Variants in BNC2 observed in about 807,000 individuals in gnomAD.
BNC2 encodes basonuclin zinc finger protein 2, also known as zinc finger protein basonuclin-2.
A neutral mutation model predicts 76.3 loss-of-function variants in BNC2; 20 were observed. That is an observed-to-expected ratio of 0.26 (90% CI 0.18 to 0.38). The LOEUF (loss-of-function observed/expected upper bound fraction) is 0.38, where lower values mean the gene tolerates loss of function less well. Ranked by LOEUF, BNC2 falls within the 10% of genes least tolerant of loss-of-function variation. BNC2 has a pLI of 1.00. For missense variants in BNC2, 1,382 were observed against 1,399.8 expected, an observed-to-expected ratio of 0.99 and a Z score of 0.20; for synonymous variants, 582 against 514.8, an observed-to-expected ratio of 1.13 and a Z score of -1.77.
intron 4 of BNC2, among the ~76,000 whole-genome samples, chr9:16,577,568 A>C (rs1263045329): frequency 1.3e-5 from 2 of 152,178 alleles, no homozygotes; most frequent in Non-Finnish European, 2.9e-5. Context: ...GATCTGGATG[A>C]TGTAGACCAG....
chr9:16,746,763 C>T (rs2135227959), intron 1 of BNC2, among the ~76,000 whole-genome samples: 1 of 151,602 alleles, frequency 6.6e-6, no homozygotes, highest in African/African-American at 2.4e-5. Flanking sequence ...GAGATCGAGA[C>T]CATCCTGGAT....
chr9:16,617,797 A>C (rs1040335628), intron 3 of BNC2, among the ~76,000 whole-genome samples: 5 of 152,148 alleles, frequency 3.3e-5, no homozygotes, highest in African/African-American at 1.2e-4. Context: ...CTCACAATTA[A>C]CTTCAGCTAT....
intron 1 of BNC2, among the ~76,000 whole-genome samples, chr9:16,785,128 T>G (rs1019034221): frequency 1.7e-4 from 26 of 152,184 alleles, no homozygotes; most frequent in Admixed American, 3.9e-4. Flanking sequence ...AACGGGAACT[T>G]TAAACCCACC....
intron 3 of BNC2, among the ~76,000 whole-genome samples, chr9:16,639,270 T>A (rs1453218561): frequency 6.6e-6 from 1 of 152,222 alleles, no homozygotes; most frequent in African/African-American, 2.4e-5. Flanking sequence ...ACAATGTTGT[T>A]ATTGGTCTCT....
At chr9:16,434,596 T>A (rs1323946022) in intron 6 of BNC2, among the ~76,000 whole-genome samples, 1 of 152,208 alleles carries the variant, frequency 6.6e-6, no homozygotes, top group Non-Finnish European at 1.5e-5. Flanking sequence ...CAAGCTTATC[T>A]GAACAAATGC....
rs1430644382 is a variant in BNC2, at chr9:16,418,676, GTGTGTGTGTGTGTGTATGTGCA to G, written c.*291_*312del. The stretch of plus-strand genomic sequence containing the variant: ...GGCTAGTTGCACACTGTGTGTGTGT[GTGTGTGTGTGTGTGTATGTGCA>G]TGTGTGTGTGTGTGTGTTTAAAGGG... On this transcript the variant is annotated 3_prime_UTR_variant, in exon 7 of 7. Coordinates refer to ENST00000380672, the MANE Select transcript of BNC2 (RefSeq NM_017637.6). 191 of 304,410 alleles carry G rather than the reference GTGTGTGTGTGTGTGTATGTGCA, an allele frequency of 6.3e-4. 1 individual carries two copies. The highest frequency in any genetic ancestry group is 1.1e-3 in the Middle Eastern group (1 of 952). The allele number at this position is 304,410 out of a possible 1,614,324, so 18.9% of individuals were successfully genotyped here. A position where few individuals can be genotyped will look rare whatever the true frequency, so the allele number is the denominator to read the frequency against.
intron 5 of BNC2, among the ~76,000 whole-genome samples, chr9:16,508,694 C>A (rs927147726): frequency 2.0e-5 from 3 of 152,186 alleles, no homozygotes; most frequent in Non-Finnish European, 4.4e-5. Flanking sequence ...TTTTCATACA[C>A]TATGCTAGCC....
At chr9:16,426,513 T>A (rs7022640) in intron 6 of BNC2, among the ~76,000 whole-genome samples, 1 of 152,014 alleles carries the variant, frequency 6.6e-6, no homozygotes. Flanking sequence ...TCAGGATGCA[T>A]GAGTTCCCCA....
At chr9:16,688,170 C>T (rs1203567615) in intron 3 of BNC2, among the ~76,000 whole-genome samples, 1 of 152,152 alleles carries the variant, frequency 6.6e-6, no homozygotes, top group East Asian at 1.9e-4. Flanking sequence ...CTCACCCCAT[C>T]CACCACAATC....
At chr9:16,620,554 T>A (rs1820837735) in intron 3 of BNC2, among the ~76,000 whole-genome samples, 1 of 152,078 alleles carries the variant, frequency 6.6e-6, no homozygotes. Context: ...AACTTCTACA[T>A]ACAGCATCAA....
intron 5 of BNC2, among the ~76,000 whole-genome samples, chr9:16,483,655 G>T (rs1417465242): frequency 6.6e-6 from 1 of 152,168 alleles, no homozygotes; most frequent in Non-Finnish European, 1.5e-5. Flanking sequence ...ACTTTGAAAA[G>T]CATCTGCTTT....
intron 4 of BNC2, among the ~76,000 whole-genome samples, chr9:16,563,246 T>G (rs901915491): frequency 2.0e-5 from 3 of 152,300 alleles, no homozygotes; most frequent in South Asian, 2.1e-4. Flanking sequence ...AATTAAAAAC[T>G]AATACAGTAT....
chr9:16,561,122 C>G (rs188113238), intron 4 of BNC2, among the ~76,000 whole-genome samples: 7 of 152,126 alleles, frequency 4.6e-5, no homozygotes, highest in Admixed American at 1.3e-4. Flanking sequence ...ACCTGTAATC[C>G]CAGCTACTCA....
chr9:16,539,745 G>GAAGGGAAGGA (rs1818254011), intron 5 of BNC2, among the ~76,000 whole-genome samples: 1 of 80,608 alleles, frequency 1.2e-5, no homozygotes, highest in East Asian at 2.8e-4. Flanking sequence ...AAAGGGAAGG[G>GAAGGGAAGGA]AAGGGAAGGA....
At chr9:16,770,889 G>C (rs929312151) in intron 1 of BNC2, among the ~76,000 whole-genome samples, 1 of 151,944 alleles carries the variant, frequency 6.6e-6, no homozygotes, top group Non-Finnish European at 1.5e-5. Flanking sequence ...AAAAGAAAAG[G>C]GCTGGGCTCG....
At chr9:16,631,725 T>C (rs1348991149) in intron 3 of BNC2, among the ~76,000 whole-genome samples, 2 of 152,160 alleles carry the variant, frequency 1.3e-5, no homozygotes, top group Non-Finnish European at 2.9e-5. Flanking sequence ...AAAAACCATC[T>C]AGTGAAGGAG....
intron 1 of BNC2, among the ~76,000 whole-genome samples, chr9:16,772,733 G>A (rs1825863587): frequency 6.6e-6 from 1 of 152,136 alleles, no homozygotes; most frequent in African/African-American, 2.4e-5. Flanking sequence ...GAATCTTTTG[G>A]TCTGGAGGAT....
At chr9:16,548,404 CGTTT>C (rs1818555386) in intron 5 of BNC2, among the ~76,000 whole-genome samples, 2 of 149,234 alleles carry the variant, frequency 1.3e-5, no homozygotes, top group South Asian at 4.3e-4. Flanking sequence ...TCTTCTTCTT[CGTTT>C]TTTTTTTTTT....
At chr9:16,624,069 T>A (rs970862862) in intron 3 of BNC2, among the ~76,000 whole-genome samples, 8 of 152,216 alleles carry the variant, frequency 5.3e-5, no homozygotes, top group Non-Finnish European at 1.2e-4. Flanking sequence ...ACTTCAAAAC[T>A]CTAAACTACA....
Sources: gnomAD v4.1 joint callset for allele counts (sites outside exome capture counted in the v4.1 genomes callset) on GRCh38, gnomAD v4.1.1 for gene constraint, MANE v1.5 for transcripts, NCBI Gene and HGNC (gene_info 2026-07-23, HGNC 2026-07-21) for gene names.